Variants in EDIL3 observed in about 807,000 individuals in gnomAD.
The protein encoded by EDIL3 is EGF like and discoidin domains 3, also known as EGF-like repeat and discoidin I-like domain-containing protein 3.
A neutral mutation model predicts 67.4 loss-of-function variants in EDIL3; 37 were observed. The ratio of observed to expected loss-of-function variants is 0.55; its 90% CI spans 0.42 to 0.72. EDIL3 has a LOEUF of 0.72. EDIL3 is among the 30% of genes least tolerant of loss of function. The probability of loss-of-function intolerance (pLI) is 0.00; values close to 1 mark genes in which losing one functional copy is unlikely to be tolerated. For missense variants in EDIL3, 527 were observed against 586.3 expected (o/e 0.90, Z 1.04); for synonymous variants, 195 against 196.3 (o/e 0.99, Z 0.05).
intron 1 of EDIL3, among the ~76,000 whole-genome samples, chr5:84,371,319 GTATATATATA>G (rs71607709): frequency 8.5e-4 from 98 of 115,504 alleles, no homozygotes; most frequent in Non-Finnish European, 1.4e-3. Context: ...TAGATAAAAA[GTATATATATA>G]TATATATATA....
chr5:84,333,365 C>T (rs1026851379), intron 1 of EDIL3, among the ~76,000 whole-genome samples: 12 of 152,012 alleles, frequency 7.9e-5, no homozygotes, highest in Admixed American at 4.6e-4. Flanking sequence ...AAGAAAGGTT[C>T]TTAACATTTC....
chr5:84,310,645 T>C (rs1349861901), intron 1 of EDIL3, among the ~76,000 whole-genome samples: 1 of 152,166 alleles, frequency 6.6e-6, no homozygotes, highest in African/African-American at 2.4e-5. Flanking sequence ...TATACAAATA[T>C]TTGCTGTGTC....
At chr5:84,169,396 C>T (rs1489387892) in intron 4 of EDIL3, among the ~76,000 whole-genome samples, 1 of 151,898 alleles carries the variant, frequency 6.6e-6, no homozygotes, top group African/African-American at 2.4e-5. Context: ...CAGATTTCTC[C>T]AGTTTTACTT....
chr5:84,188,798 A>G (rs1264882975), intron 3 of EDIL3, among the ~76,000 whole-genome samples: 1 of 152,076 alleles, frequency 6.6e-6, no homozygotes, highest in Non-Finnish European at 1.5e-5. Context: ...GAAGGCAGCT[A>G]TTTGTAAGCC....
intron 1 of EDIL3, 27 bp downstream of exon 1, chr5:84,384,281 C>T (rs770360007): frequency 4.4e-6 from 7 of 1,603,574 alleles, no homozygotes; most frequent in African/African-American, 1.3e-5. Flanking sequence ...CATCCCTCAC[C>T]CAGCTGTCCG....
intron 4 of EDIL3, among the ~76,000 whole-genome samples, chr5:84,137,639 T>C (rs1332704123): frequency 6.6e-6 from 1 of 152,164 alleles, no homozygotes; most frequent in Non-Finnish European, 1.5e-5. Flanking sequence ...TGGGGAAATA[T>C]TCAGTGTATC....
intron 3 of EDIL3, among the ~76,000 whole-genome samples, chr5:84,223,005 T>C (rs1010570994): frequency 6.6e-6 from 1 of 151,834 alleles, no homozygotes; most frequent in Non-Finnish European, 1.5e-5. Flanking sequence ...TTGTTTATTT[T>C]TGCTTTTGAT....
chr5:84,097,811 AAGAAAAGAAAAACACAG>A (rs1387484694), intron 6 of EDIL3, among the ~76,000 whole-genome samples: 1 of 152,086 alleles, frequency 6.6e-6, no homozygotes, highest in Non-Finnish European at 1.5e-5. Flanking sequence ...ATAGCTATAA[AAGAAAAGAAAAACACAG>A]AGAAATTGAC....
chr5:84,308,079 G>A (rs1315652364), intron 1 of EDIL3, among the ~76,000 whole-genome samples: 3 of 152,100 alleles, frequency 2.0e-5, no homozygotes, highest in Non-Finnish European at 4.4e-5. Context: ...GCAAGTTGAA[G>A]GCAGGGAGAT....
At chr5:84,074,441 C>G (rs1448966808) in intron 6 of EDIL3, among the ~76,000 whole-genome samples, 1 of 152,070 alleles carries the variant, frequency 6.6e-6, no homozygotes, top group Admixed American at 6.6e-5. Context: ...ATTTTCTCAA[C>G]CTACTCATCT....
intron 1 of EDIL3, among the ~76,000 whole-genome samples, chr5:84,353,469 A>G (rs1174930632): frequency 6.6e-6 from 1 of 152,222 alleles, no homozygotes; most frequent in Non-Finnish European, 1.5e-5. Context: ...ATTCTAGGAT[A>G]AAGACATTTT....
chr5:84,362,555 CA>C (rs1164035954), intron 1 of EDIL3, among the ~76,000 whole-genome samples: 3 of 151,988 alleles, frequency 2.0e-5, no homozygotes, highest in Non-Finnish European at 4.4e-5. Context: ...TTGATAATGC[CA>C]ACATAAACAA....
intron 1 of EDIL3, among the ~76,000 whole-genome samples, chr5:84,366,245 G>A (rs1039872488): frequency 2.0e-5 from 3 of 151,978 alleles, no homozygotes; most frequent in Non-Finnish European, 1.5e-5. Context: ...GTCGCCACCA[G>A]CACCACCACC....
In EDIL3 at chr5:84,269,744, G is replaced by A. The variant is rs140525413; in HGVS notation, c.68-15532C>T. On this transcript the variant is annotated intron_variant, in intron 1 of 10. Coordinates refer to ENST00000296591, the MANE Select transcript of EDIL3 (RefSeq NM_005711.5). The stretch of plus-strand genomic sequence containing the variant: ...CTTTATTCTGGACATTATCCCCAAA[G>A]TTAATGCAACTGTTGGCAATTTTCC... Among the ~76,000 whole-genome samples the A allele has an allele frequency of 8.2e-4, 125 of 152,228 alleles. 1 individual carries two copies. Among genetic ancestry groups the A allele is most frequent in the African/African-American group, 2.8e-3 (118 of 41,546 alleles).
chr5:84,105,401 T>C (rs1185515368), intron 6 of EDIL3, among the ~76,000 whole-genome samples: 2 of 152,076 alleles, frequency 1.3e-5, no homozygotes, highest in Non-Finnish European at 2.9e-5. Context: ...CTAAGAAATC[T>C]GAACAAAGAA....
At chr5:83,946,208 T>C (rs1405366106) in intron 10 of EDIL3, among the ~76,000 whole-genome samples, 1 of 151,970 alleles carries the variant, frequency 6.6e-6, no homozygotes, top group African/African-American at 2.4e-5. Flanking sequence ...AATCTCTATA[T>C]AGGAGTGAAA....
intron 1 of EDIL3, among the ~76,000 whole-genome samples, chr5:84,274,786 CACACACAG>C (rs1745541598): frequency 2.1e-5 from 2 of 95,844 alleles, no homozygotes; most frequent in African/African-American, 8.3e-5. Flanking sequence ...CACATACAGA[CACACACAG>C]ACACACACAC....
intron 10 of EDIL3, among the ~76,000 whole-genome samples, chr5:83,955,675 C>T (rs1057375472): frequency 6.6e-6 from 1 of 151,706 alleles, no homozygotes; most frequent in Non-Finnish European, 1.5e-5. Context: ...CCAGTAGGGA[C>T]ATTCTTCCTG....
intron 4 of EDIL3, among the ~76,000 whole-genome samples, chr5:84,179,513 G>GT (rs1748978790): frequency 6.6e-6 from 1 of 152,190 alleles, no homozygotes; most frequent in Non-Finnish European, 1.5e-5. Flanking sequence ...AAGGCACTCT[G>GT]TTTTTTGCTG....
Sources: allele counts gnomAD v4.1 joint callset (sites outside exome capture counted in the v4.1 genomes callset), GRCh38; gene constraint gnomAD v4.1.1; transcripts MANE v1.5; gene names NCBI Gene and HGNC (gene_info 2026-07-23, HGNC 2026-07-21).